SLC39A10: variants seen among roughly 807,000 people sequenced by gnomAD.
SLC39A10 encodes the protein zinc transporter ZIP10.
A neutral mutation model predicts 65.1 loss-of-function variants in SLC39A10; 13 were observed. The observed-to-expected ratio is 0.20, with a 90% CI of 0.13 to 0.32. The LOEUF is 0.32. Among genes scored for constraint, SLC39A10 ranks in the 10% least tolerant of loss-of-function variants. The pLI is 1.00. For synonymous variants in SLC39A10, 321 were observed against 342.2 expected (o/e 0.94, Z 0.68); for missense variants, 831 against 1,018.4 (o/e 0.82, Z 2.50).
intron 2 of SLC39A10, among the ~76,000 whole-genome samples, chr2:195,650,958 C>T (rs1361542055): frequency 1.3e-4 from 20 of 150,278 alleles, no homozygotes; most frequent in Non-Finnish European, 1.2e-4. Context: ...GTGGGGAAGG[C>T]GAAGGAGGTG....
rs1692614003 is a variant in SLC39A10, at chr2:195,736,592, G to C, written c.*1551G>C. The C allele has an allele frequency of 6.6e-6, 1 of 152,616 alleles. No individual in the cohort carries two copies. The highest frequency in any genetic ancestry group is 1.5e-5 in the Non-Finnish European group (1 of 67,984). The allele number at this position is 152,616 out of a possible 1,614,324, so 9.5% of individuals were successfully genotyped here. A position where few individuals can be genotyped will look rare whatever the true frequency, so the allele number is the denominator to read the frequency against. Reference sequence around the variant, plus strand: ...AACTTCAAAACAAAAACAAAACTTTGAGAGCAGCACATGCATCCAGGTATT... The same window carrying C: ...AACTTCAAAACAAAAACAAAACTTTCAGAGCAGCACATGCATCCAGGTATT... On this transcript the variant is annotated 3_prime_UTR_variant, in exon 10 of 10. Transcript: ENST00000359634.
chr2:195,734,764 AATT>A, intron 9 of SLC39A10, 116 bp from the exon 10 acceptor site: 1 of 964,644 alleles, frequency 1.0e-6, no homozygotes, highest in Non-Finnish European at 1.5e-6. Context: ...TCAATAAAAT[AATT>A]ATTTTGTCTG....
At chr2:195,642,944 A>G (rs924044319) in intron 2 of SLC39A10, among the ~76,000 whole-genome samples, 1 of 152,238 alleles carries the variant, frequency 6.6e-6, no homozygotes, top group Non-Finnish European at 1.5e-5. Flanking sequence ...GTCTGCTATT[A>G]AAGTAGAGGG....
chr2:195,670,393 A>G (rs1486750713), intron 1 of SLC39A10: 2 of 152,116 alleles, frequency 1.3e-5, no homozygotes, highest in Non-Finnish European at 2.9e-5. Flanking sequence ...CCATTTCACA[A>G]ATTTGCATGT....
rs571825571 is a variant in SLC39A10, at chr2:195,736,793, G to A, written c.*1752G>A. The A allele has an allele frequency of 6.5e-6, 1 of 152,700 alleles. No individual in the cohort carries two copies. Among genetic ancestry groups the A allele is most frequent in the African/African-American group, 2.4e-5 (1 of 41,568 alleles). The allele number at this position is 152,700 out of a possible 1,614,324, so 9.5% of individuals were successfully genotyped here. ...CAGCATTGGGCACTGAATTAGGACA[G>A]TCCTCATCTCATTGCTTGGCCCTTC... On this transcript the variant is annotated 3_prime_UTR_variant, in exon 10 of 10. Coordinates refer to ENST00000359634, the MANE Select transcript of SLC39A10 (RefSeq NM_020342.3).
At chr2:195,656,942 G>C (rs1297008830), upstream of SLC39A10, 1 of 152,300 alleles carries the variant, frequency 6.6e-6, no homozygotes, top group Non-Finnish European at 1.5e-5. Flanking sequence ...AAACTAGCGC[G>C]GAGCCACGGA....
intron 1 of SLC39A10, among the ~76,000 whole-genome samples, chr2:195,674,313 C>G (rs953559599): frequency 2.6e-5 from 4 of 151,924 alleles, no homozygotes; most frequent in Non-Finnish European, 5.9e-5. Flanking sequence ...GTTTTGTTCT[C>G]GTTGCCCAGG....
chr2:195,729,761 C>T (rs1247072516), intron 9 of SLC39A10, among the ~76,000 whole-genome samples: 2 of 151,924 alleles, frequency 1.3e-5, no homozygotes, highest in Non-Finnish European at 1.5e-5. Context: ...TAGCTATCAC[C>T]CTATTGCTGC....
At chr2:195,712,843 GACT>G (rs1691647693) in intron 5 of SLC39A10, among the ~76,000 whole-genome samples, 1 of 152,126 alleles carries the variant, frequency 6.6e-6, no homozygotes, top group Non-Finnish European at 1.5e-5. Context: ...TTTACTATAA[GACT>G]ACTAAGAGTC....
chr2:195,683,716 G>T lies in SLC39A10; in HGVS notation c.1026G>T (p.Gln342His), dbSNP rs1275812496. ...CCTTGCAGTGTTTGAACGTCACTCA[G>T]TTATTAAAATACTATGGTCATGGTG... is the stretch of plus-strand genomic sequence containing the variant. ...DHHHECLNVT[Q>H]LLKYYGHGAN... Residue 342 changes from glutamine to histidine, a missense_variant, in exon 3 of 10, where the codon CAG becomes CAT. By Grantham distance (24) the Gln-to-His change is conservative. Coordinates refer to ENST00000359634, the MANE Select transcript of SLC39A10 (RefSeq NM_020342.3). The T allele has an allele frequency of 6.2e-7, 1 of 1,612,784 alleles. No individual in the cohort carries two copies.
intron 1 of SLC39A10, among the ~76,000 whole-genome samples, chr2:195,665,652 T>C (rs1482679177): frequency 6.6e-6 from 1 of 152,214 alleles, no homozygotes; most frequent in Non-Finnish European, 1.5e-5. Context: ...CAAATAGTTG[T>C]GTGAAGTTTC....
intron 2 of SLC39A10, among the ~76,000 whole-genome samples, chr2:195,624,793 C>T (rs1482576394): frequency 6.8e-6 from 1 of 147,354 alleles, no homozygotes; most frequent in Non-Finnish European, 1.5e-5. Context: ...GCAGGAGAAT[C>T]ACTTGAACCC....
chr2:195,650,995 T>C (rs964264033), intron 2 of SLC39A10, among the ~76,000 whole-genome samples: 4 of 151,376 alleles, frequency 2.6e-5, no homozygotes, highest in African/African-American at 7.3e-5. Flanking sequence ...TGCTTGAGCC[T>C]GGGAGGTTGA....
In SLC39A10 at chr2:195,730,816, G is replaced by A. The variant is rs79992798; in HGVS notation, c.2337+2467G>A. 2.3e-3 allele frequency among the ~76,000 whole-genome samples: 350 copies of A among 152,280 alleles called. 1 individual carries two copies. The highest frequency in any genetic ancestry group is 7.8e-3 in the African/African-American group (326 of 41,562). Reference sequence around the variant, plus strand: ...TACTACTTGACCAGCCTGTCTTGCAGAAGTCTCCATCTCAGAAATGATGAT... The same window carrying A: ...TACTACTTGACCAGCCTGTCTTGCAAAAGTCTCCATCTCAGAAATGATGAT... On this transcript the variant is annotated intron_variant, in intron 9 of 9. Transcript: ENST00000359634.
intron 7 of SLC39A10, among the ~76,000 whole-genome samples, 160 bp from the exon 8 acceptor site, chr2:195,718,092 T>C (rs842736): frequency 1 from 151,912 of 152,268 alleles, 75,785 homozygotes; most frequent in Middle Eastern, 1. Context: ...CTTATTATAC[T>C]CCACTATATG....
chr2:195,674,204 A>G (rs565382952), intron 1 of SLC39A10, among the ~76,000 whole-genome samples: 1 of 151,970 alleles, frequency 6.6e-6, no homozygotes, highest in East Asian at 2.0e-4. Flanking sequence ...AATATACCAT[A>G]TTTATTTATT....
chr2:195,683,669 ATTT>A, intron 2 of SLC39A10, 27 bp from the exon 3 acceptor site: 1 of 1,557,464 alleles, frequency 6.4e-7, no homozygotes, highest in Non-Finnish European at 8.8e-7. Context: ...AGACACTCTT[ATTT>A]AATTTGTTTT....
At chr2:195,717,059 T>C in intron 7 of SLC39A10, 54 bp downstream of exon 7, 1 of 1,550,074 alleles carries the variant, frequency 6.5e-7, no homozygotes, top group Non-Finnish European at 8.7e-7. Flanking sequence ...ATAATATGTA[T>C]GATTAAATTT....
chr2:195,734,717 T>C (rs1004176009), intron 9 of SLC39A10, among the ~76,000 whole-genome samples, 166 bp from the exon 10 acceptor site: 4 of 152,200 alleles, frequency 2.6e-5, no homozygotes, highest in African/African-American at 4.8e-5. Flanking sequence ...ATTTCTTCAG[T>C]ATTTGACTAA....
Sources: gnomAD v4.1 joint callset for allele counts (sites outside exome capture counted in the v4.1 genomes callset) on GRCh38, gnomAD v4.1.1 for gene constraint, MANE v1.5 for transcripts, NCBI Gene and HGNC (gene_info 2026-07-23, HGNC 2026-07-21) for gene names.